HPSE2: variants seen among roughly 807,000 people sequenced by gnomAD.
HPSE2 encodes heparanase 2 (inactive).
Under a neutral mutation model 60.5 loss-of-function variants are expected in HPSE2, and 38 were observed. The ratio of observed to expected loss-of-function variants is 0.63; its 90% CI spans 0.48 to 0.82. HPSE2 has a LOEUF of 0.82. Among genes scored for constraint, HPSE2 ranks in the 40% least tolerant of loss-of-function variants. HPSE2 has a pLI of 0.00. For synonymous variants in HPSE2, 295 were observed against 293.2 expected, an observed-to-expected ratio of 1.01 and a Z score of -0.06; for missense variants, 713 against 740.4, an observed-to-expected ratio of 0.96 and a Z score of 0.43.
intron 3 of HPSE2, among the ~76,000 whole-genome samples, chr10:99,070,860 A>C (rs943077532): frequency 2.6e-5 from 4 of 152,192 alleles, no homozygotes; most frequent in African/African-American, 9.6e-5. Flanking sequence ...AAGGCTAAAT[A>C]ATATTTCGTT....
intron 3 of HPSE2, among the ~76,000 whole-genome samples, chr10:98,763,154 G>T (rs1439720276): frequency 1.3e-5 from 2 of 151,566 alleles, no homozygotes; most frequent in South Asian, 4.2e-4. Context: ...ACAATTTAAA[G>T]ACAGATTTTT....
At chr10:98,738,706 C>T (rs1018257571) in intron 4 of HPSE2, among the ~76,000 whole-genome samples, 1 of 152,136 alleles carries the variant, frequency 6.6e-6, no homozygotes, top group East Asian at 1.9e-4. Flanking sequence ...ATGCAGCCAA[C>T]AAAGATATGA....
intron 3 of HPSE2, among the ~76,000 whole-genome samples, chr10:99,033,559 T>G (rs1319337300): frequency 6.6e-6 from 1 of 151,978 alleles, no homozygotes; most frequent in Non-Finnish European, 1.5e-5. Flanking sequence ...GAGGCGGGCA[T>G]ATCACAAGGT....
intron 9 of HPSE2, among the ~76,000 whole-genome samples, chr10:98,515,261 T>C (rs1045124815): frequency 4.6e-5 from 7 of 152,162 alleles, no homozygotes; most frequent in Admixed American, 2.0e-4. Flanking sequence ...CCCTGGATCC[T>C]ACCCTTTTCA....
chr10:99,236,096 C>T (rs577477369), upstream of HPSE2, among the ~76,000 whole-genome samples: 33 of 151,042 alleles, frequency 2.2e-4, 1 homozygote, highest in Admixed American at 1.4e-3. Flanking sequence ...TGACTCTTGC[C>T]AAGAGAACTC....
intron 6 of HPSE2, among the ~76,000 whole-genome samples, chr10:98,655,105 G>A (rs949958040): frequency 2.6e-5 from 4 of 152,234 alleles, no homozygotes; most frequent in Non-Finnish European, 4.4e-5. Context: ...GTGTCCCTGG[G>A]CTATGATCTT....
At chr10:99,280,380 C>T in the HPSE2 span, among the ~76,000 whole-genome samples, 6 of 152,328 alleles carry the variant, frequency 3.9e-5, no homozygotes, top group South Asian at 2.1e-4. Flanking sequence ...AGCACACTTA[C>T]ATTTATCTAA....
At chr10:98,616,344 T>C (rs1303956891) in intron 8 of HPSE2, among the ~76,000 whole-genome samples, 1 of 152,132 alleles carries the variant, frequency 6.6e-6, no homozygotes, top group Non-Finnish European at 1.5e-5. Flanking sequence ...CCCATCACCA[T>C]TCCTGGCACA....
At chr10:99,085,729 G>A (rs1843292866) in intron 3 of HPSE2, among the ~76,000 whole-genome samples, 1 of 152,158 alleles carries the variant, frequency 6.6e-6, no homozygotes, top group Non-Finnish European at 1.5e-5. Flanking sequence ...ACTGAGATTA[G>A]ACAAAAACAG....
At chr10:98,605,559 T>C (rs1945556154) in intron 9 of HPSE2, among the ~76,000 whole-genome samples, 1 of 151,414 alleles carries the variant, frequency 6.6e-6, no homozygotes, top group Admixed American at 6.6e-5. Flanking sequence ...TGACAGAGAG[T>C]GTAAATGGGG....
Position 98,898,194 on chromosome 10 carries a change from T to A in HPSE2, c.611-154138A>T, listed in dbSNP as rs554501179. On this transcript the variant is annotated intron_variant, in intron 3 of 11. Coordinates refer to ENST00000370552, the MANE Select transcript of HPSE2 (RefSeq NM_021828.5). Reference sequence around the variant, plus strand: ...AGCTATGTTACAAAGCTAAACATAGTCTTACCTTACAATCCAACAATCACA... The same window carrying A: ...AGCTATGTTACAAAGCTAAACATAGACTTACCTTACAATCCAACAATCACA... Among the ~76,000 whole-genome samples, 10 of 152,294 alleles carry A rather than the reference T, an allele frequency of 6.6e-5. No individual in the cohort carries two copies. The East Asian group carries it at 1.7e-3, about 26-fold the overall frequency.
chr10:99,097,008 G>C (rs142934774), intron 3 of HPSE2, among the ~76,000 whole-genome samples: 66 of 152,286 alleles, frequency 4.3e-4, no homozygotes, highest in African/African-American at 1.3e-3. Context: ...GGTTCCATCA[G>C]GAGTTATATC....
intron 3 of HPSE2, among the ~76,000 whole-genome samples, chr10:98,960,363 T>G (rs1307010876): frequency 6.6e-6 from 1 of 152,154 alleles, no homozygotes; most frequent in Non-Finnish European, 1.5e-5. Context: ...GTCTTTATTT[T>G]TAGTTACGGT....
At chr10:99,112,616 A>G (rs1589675351) in intron 3 of HPSE2, among the ~76,000 whole-genome samples, 4 of 152,212 alleles carry the variant, frequency 2.6e-5, no homozygotes, top group Middle Eastern at 6.8e-3. Context: ...ATGAAGATAA[A>G]GTTATTTTTC....
rs137977733 is a variant in HPSE2 at position 99,171,793 on chromosome 10, A to G, written c.449-27394T>C. Among the ~76,000 whole-genome samples the G allele has an allele frequency of 2.8e-3, 425 of 152,266 alleles. 9 individuals are homozygous for G. In the South Asian group the frequency reaches 0.037, roughly 13 times the overall value. ...ATTTAGGCCTTGGATTATGGCATCA[A>G]TAGCCTTTGCCTTCATTCTGTGACT... On this transcript the variant is annotated intron_variant, in intron 2 of 11. Transcript: ENST00000370552.
intron 3 of HPSE2, among the ~76,000 whole-genome samples, chr10:98,947,808 C>T (rs1955232678): frequency 6.6e-6 from 1 of 152,078 alleles, no homozygotes; most frequent in Non-Finnish European, 1.5e-5. Flanking sequence ...ATAAGAAGGC[C>T]TGAACAAGAA....
At chr10:99,000,897 G>C (rs1241785905) in intron 3 of HPSE2, among the ~76,000 whole-genome samples, 1 of 151,702 alleles carries the variant, frequency 6.6e-6, no homozygotes, top group African/African-American at 2.4e-5. Flanking sequence ...CTATACCATG[G>C]GTCAAATCCT....
intron 3 of HPSE2, among the ~76,000 whole-genome samples, chr10:99,131,491 GTA>G (rs113767647): frequency 4.6e-5 from 7 of 150,990 alleles, no homozygotes; most frequent in Non-Finnish European, 5.9e-5. Context: ...TTATATATGT[GTA>G]TATATATATA....
chr10:99,041,911 C>G (rs1024294395), intron 3 of HPSE2, among the ~76,000 whole-genome samples: 3 of 152,222 alleles, frequency 2.0e-5, no homozygotes, highest in Admixed American at 2.0e-4. Context: ...CATGCTGCAG[C>G]TACCATATGA....
Sources: allele counts gnomAD v4.1 joint callset (sites outside exome capture counted in the v4.1 genomes callset), GRCh38; gene constraint gnomAD v4.1.1; transcripts MANE v1.5; gene names NCBI Gene and HGNC (gene_info 2026-07-23, HGNC 2026-07-21).